The following MTTP variants were observed in gnomAD, a reference collection of about 807,000 sequenced individuals.
MTTP encodes microsomal triglyceride transfer protein, also known as microsomal triglyceride transfer protein large subunit.
A neutral mutation model predicts 90.6 loss-of-function variants in MTTP; 49 were observed. That is an observed-to-expected ratio of 0.54 (90% CI 0.43 to 0.69). The LOEUF is 0.69. Among genes scored for constraint, MTTP ranks in the 30% least tolerant of loss-of-function variants. MTTP has a pLI of 0.00. For missense variants in MTTP, 945 were observed against 1,067.5 expected, an observed-to-expected ratio of 0.89 and a Z score of 1.60; for synonymous variants, 347 against 384.2, an observed-to-expected ratio of 0.90 and a Z score of 1.13.
intron 3 of MTTP, among the ~76,000 whole-genome samples, chr4:99,585,645 G>C (rs1467186003): frequency 6.6e-6 from 1 of 151,916 alleles, no homozygotes; most frequent in Non-Finnish European, 1.5e-5. Context: ...TCATTTTATA[G>C]CTCCTTTGGT....
intron 4 of MTTP, among the ~76,000 whole-genome samples, chr4:99,590,864 C>A (rs201008837): frequency 7.8e-6 from 1 of 128,136 alleles, no homozygotes; most frequent in African/African-American, 3.5e-5. Context: ...CACACACACA[C>A]CACACACACA....
Position 99,611,244 on chromosome 4 carries a change from T to G in MTTP, c.1867+4T>G. On this transcript the variant is annotated splice_donor_region_variant and intron_variant, in intron 13 of 17. Coordinates refer to ENST00000265517, the MANE Select transcript of MTTP (RefSeq NM_001386140.1). ...GCCTACACTGGCTACATAGAACGTA[T>G]GTACACCAAAAAGAGGTTCTCCTTC... 6.2e-7 allele frequency: 1 copy of G among 1,613,774 alleles called. No individual in the cohort carries two copies. The highest frequency in any genetic ancestry group is 8.5e-7 in the Non-Finnish European group (1 of 1,179,682).
upstream of MTTP, among the ~76,000 whole-genome samples, chr4:99,574,281 A>C (rs1236606335): frequency 6.6e-6 from 1 of 152,222 alleles, no homozygotes; most frequent in Admixed American, 6.5e-5. Context: ...ACAATCATCT[A>C]TGTTTCATGA....
At position 99,588,606 on chromosome 4, in the gene MTTP, T is replaced by C. The variant is rs1044832394; in HGVS notation, c.394-1037T>C. Among the ~76,000 whole-genome samples, 6 of 151,550 alleles carry C rather than the reference T, an allele frequency of 4.0e-5. No homozygotes were observed. The Admixed American group carries it at 4.0e-4, about 10-fold the overall frequency. On this transcript the variant is annotated intron_variant, in intron 3 of 17. Transcript: ENST00000265517. The stretch of plus-strand genomic sequence containing the variant: ...TCATTTCAACCTCCTTTCTCTGCCT[T>C]CTGATGGTAACCTCAAAGCAGTGCC...
In MTTP at chr4:99,612,978, C is replaced by T. The variant is rs374643434; in HGVS notation, c.2055C>T (p.Asn685=). 6.2e-7 allele frequency: 1 copy of T among 1,613,892 alleles called. No homozygotes were observed. The highest frequency in any genetic ancestry group is 8.5e-7 in the Non-Finnish European group (1 of 1,179,950). Residue 685 remains asparagine (N), a synonymous_variant, in exon 15 of 18, where the codon AAC becomes AAT. Coordinates refer to ENST00000265517, the MANE Select transcript of MTTP (RefSeq NM_001386140.1). Reference sequence around the variant, plus strand: ...CCACCCCTGACGAGGGGGAGGAGAACCTTGACTCCTATGCTGGTATGTCAG... The same window carrying T: ...CCACCCCTGACGAGGGGGAGGAGAATCTTGACTCCTATGCTGGTATGTCAG... ...IAATPDEGEE[N]LDSYAGMSAI... is the part of the protein sequence containing the mutation.
chr4:99,591,495 A>T (rs548629190), intron 5 of MTTP, 144 bp downstream of exon 5: 1 of 1,074,022 alleles, frequency 9.3e-7, no homozygotes, highest in African/African-American at 1.6e-5. Context: ...CACATATGTA[A>T]TGAATAGACC....
intron 1 of MTTP, among the ~76,000 whole-genome samples, chr4:99,580,495 A>G (rs1230308557): frequency 7.1e-6 from 1 of 141,794 alleles, no homozygotes; most frequent in Non-Finnish European, 1.5e-5. Context: ...GAATTGCTTG[A>G]GCCTGGGAGA....
At chr4:99,565,322 C>T (rs7687762) in intron 1 of MTTP, among the ~76,000 whole-genome samples, 39,794 of 151,980 alleles carry the variant, frequency 0.26, 5,378 homozygotes, top group South Asian at 0.35. Context: ...ACTTCATATT[C>T]TAATAATGAA....
At chr4:99,596,594 A>C (rs1245652552) in intron 7 of MTTP, among the ~76,000 whole-genome samples, 1 of 152,128 alleles carries the variant, frequency 6.6e-6, no homozygotes, top group Non-Finnish European at 1.5e-5. Flanking sequence ...AAAGAGAGAG[A>C]ATAGGGAGCT....
Position 99,583,690 on chromosome 4 carries a change from C to T in MTTP, c.393+173C>T, listed in dbSNP as rs571005244. The T allele has an allele frequency of 6.5e-6, 5 of 774,206 alleles. No individual in the cohort carries two copies. In the East Asian group the frequency reaches 1.1e-4, roughly 17 times the overall value. The allele number at this position is 774,206 out of a possible 1,614,324, so 48.0% of individuals were successfully genotyped here. ...AAATGTTTCCAAACTGAATCAATGC[C>T]CTGAGTTCCCTTACATTTACTAGCC... On this transcript the variant is annotated intron_variant, in intron 3 of 17. Transcript: ENST00000265517.
At chr4:99,611,746 T>A (rs559182603) in intron 14 of MTTP, among the ~76,000 whole-genome samples, 3 of 152,200 alleles carry the variant, frequency 2.0e-5, no homozygotes, top group Non-Finnish European at 4.4e-5. Flanking sequence ...GTGCCAATAT[T>A]TCTTACATAA....
At chr4:99,615,327 A>G (rs542173538) in intron 15 of MTTP, among the ~76,000 whole-genome samples, 1 of 152,366 alleles carries the variant, frequency 6.6e-6, no homozygotes, top group South Asian at 2.1e-4. Flanking sequence ...TTTTATGTAC[A>G]AGAATAGCCA....
chr4:99,620,254 G>C (rs951941), intron 16 of MTTP, among the ~76,000 whole-genome samples: 1 of 152,142 alleles, frequency 6.6e-6, no homozygotes, highest in Admixed American at 6.5e-5. Flanking sequence ...GTTTTAATTT[G>C]CGCAGCAAAA....
chr4:99,596,780 G>T (rs553609050), intron 7 of MTTP, among the ~76,000 whole-genome samples: 94 of 152,242 alleles, frequency 6.2e-4, no homozygotes, highest in Non-Finnish European at 1.1e-3. Flanking sequence ...TGGTGTAGCC[G>T]TGAAATGACC....
intron 8 of MTTP, among the ~76,000 whole-genome samples, chr4:99,597,641 G>T (rs557090950): frequency 3.5e-4 from 54 of 152,302 alleles, no homozygotes; most frequent in African/African-American, 1.2e-3. Context: ...GACTTCTTCA[G>T]TTGAAAATGT....
chr4:99,591,610 C>T (rs552691229), intron 5 of MTTP, 41 bp from the exon 6 acceptor site: 21 of 1,592,194 alleles, frequency 1.3e-5, no homozygotes, highest in Admixed American at 3.4e-5. Context: ...ATAATTTAAA[C>T]GATGATTACT....
intron 15 of MTTP, among the ~76,000 whole-genome samples, chr4:99,613,758 G>A (rs920749485): frequency 2.6e-5 from 4 of 152,212 alleles, no homozygotes; most frequent in East Asian, 1.9e-4. Flanking sequence ...TTTGTGGCCC[G>A]AAATCTTATG....
intron 1 of MTTP, 52 bp from the exon 2 acceptor site, chr4:99,581,853 C>G (rs1345184544): frequency 6.3e-6 from 10 of 1,578,276 alleles, no homozygotes; most frequent in Non-Finnish European, 7.0e-6. Flanking sequence ...GATGGTGAGA[C>G]AGCATGTTCC....
rs184542720 is a variant in MTTP, at chr4:99,579,820, T to C, written c.62-2085T>C. The stretch of plus-strand genomic sequence containing the variant: ...TGGGAGGGTGAGGTGGGTGGATTGC[T>C]TGAGCTCAGGAGTTCAGGACCAGCC... On this transcript the variant is annotated intron_variant, in intron 1 of 17. Transcript: ENST00000265517. 6.4e-3 allele frequency among the ~76,000 whole-genome samples: 977 copies of C among 151,734 alleles called. 9 individuals are homozygous for C. The highest frequency in any genetic ancestry group is 0.022 in the African/African-American group (914 of 41,372).
Sources: gnomAD v4.1 joint callset for allele counts (sites outside exome capture counted in the v4.1 genomes callset) on GRCh38, gnomAD v4.1.1 for gene constraint, MANE v1.5 for transcripts, NCBI Gene and HGNC (gene_info 2026-07-23, HGNC 2026-07-21) for gene names.